The following VAV2 variants were observed in gnomAD, a reference collection of about 807,000 sequenced individuals.
VAV2 encodes guanine nucleotide exchange factor VAV2.
In VAV2, 67 loss-of-function variants were observed where a neutral mutation model predicts 132.5. The observed-to-expected ratio is 0.51, with a 90% CI of 0.42 to 0.62. The LOEUF is 0.62. Among genes scored for constraint, VAV2 ranks in the 20% least tolerant of loss-of-function variants. VAV2 has a pLI of 0.00. For missense variants in VAV2, 938 were observed against 1,153.6 expected (o/e 0.81, Z 2.71); for synonymous variants, 492 against 443.5 (o/e 1.11, Z -1.37).
At chr9:133,796,652 T>C (rs1834726903) in intron 10 of VAV2, 128 bp from the exon 11 acceptor site, 2 of 793,150 alleles carry the variant, frequency 2.5e-6, no homozygotes, top group South Asian at 1.8e-5. Flanking sequence ...GGCCCTTCTC[T>C]AGCCAGGCTC....
At chr9:133,915,174 C>T (rs1023175261) in intron 2 of VAV2, among the ~76,000 whole-genome samples, 1 of 152,162 alleles carries the variant, frequency 6.6e-6, no homozygotes, top group Non-Finnish European at 1.5e-5. Flanking sequence ...GACTCTAGTC[C>T]TCATTGGCTC....
At chr9:133,830,576 T>G (rs993010183) in intron 4 of VAV2, among the ~76,000 whole-genome samples, 3 of 152,218 alleles carry the variant, frequency 2.0e-5, no homozygotes, top group Non-Finnish European at 4.4e-5. Flanking sequence ...ATAAGTTTCC[T>G]GGGGCCTCCC....
At chr9:133,933,915 T>TGGGTGGATGGATGGAG in intron 2 of VAV2, among the ~76,000 whole-genome samples, 1 of 43,968 alleles carries the variant, frequency 2.3e-5, no homozygotes, top group African/African-American at 6.0e-5. Flanking sequence ...GATGGATGGA[T>TGGGTGGATGGATGGAG]GGATGATGGG....
intron 2 of VAV2, among the ~76,000 whole-genome samples, chr9:133,875,733 T>C (rs968530419): frequency 7.2e-5 from 11 of 152,270 alleles, no homozygotes; most frequent in South Asian, 4.1e-4. Flanking sequence ...CAAGAGGCTA[T>C]AGAATGAATT....
intron 2 of VAV2, among the ~76,000 whole-genome samples, chr9:133,877,766 C>T (rs1203547067): frequency 1.3e-5 from 2 of 152,222 alleles, no homozygotes; most frequent in African/African-American, 4.8e-5. Flanking sequence ...AGTGGCTTCA[C>T]TGGCCTCCCT....
rs1836336487 is a variant in VAV2 at position 133,833,353 on chromosome 9, C to T, written c.449+919G>A. 6.6e-6 allele frequency among the ~76,000 whole-genome samples: 1 copy of T among 152,208 alleles called. No individual in the cohort carries two copies. On this transcript the variant is annotated intron_variant, in intron 4 of 29. Coordinates refer to ENST00000371850, the MANE Select transcript of VAV2 (RefSeq NM_001134398.2). The surrounding 1 kb of genome is among the most constrained non-coding windows in gnomAD (Gnocchi z 5.6). ...ACGCAGCTCCCCCTCTTACTCCTCTCCCGGTTGTCATTCTCAGTCTGTGCT... is the reference window on the plus strand; with the variant it reads ...ACGCAGCTCCCCCTCTTACTCCTCTTCCGGTTGTCATTCTCAGTCTGTGCT...
At chr9:133,973,229 G>A (rs890264630) in intron 1 of VAV2, among the ~76,000 whole-genome samples, 12 of 152,294 alleles carry the variant, frequency 7.9e-5, no homozygotes, top group Admixed American at 2.0e-4. Context: ...CATCTGGCCC[G>A]CCTGGCCCAG....
intron 4 of VAV2, among the ~76,000 whole-genome samples, chr9:133,816,419 C>T (rs62576520): frequency 0.18 from 26,952 of 152,182 alleles, 2,594 homozygotes; most frequent in African/African-American, 0.24. Context: ...GTCTTTCAAT[C>T]ACAATATATT....
chr9:133,897,528 C>T (rs181803270), intron 2 of VAV2, among the ~76,000 whole-genome samples: 111 of 152,292 alleles, frequency 7.3e-4, no homozygotes, highest in Non-Finnish European at 1.4e-3. Flanking sequence ...TGAGCTCCTT[C>T]CTGTCTCCCC....
rs750247928 is a variant in VAV2 at position 133,834,300 on chromosome 9, C to T, written c.421G>A (p.Val141Ile). 12 of 1,612,474 alleles carry T rather than the reference C, an allele frequency of 7.4e-6. No homozygotes were observed. Among genetic ancestry groups the T allele is most frequent in the Middle Eastern group, 1.6e-4 (1 of 6,084 alleles). Residue 141 changes from valine to isoleucine, a missense_variant, in exon 4 of 30, where the codon GTC (valine) becomes ATC (isoleucine). Transcript: ENST00000371850. The surrounding 1 kb of genome is among the most constrained non-coding windows in gnomAD (Gnocchi z 5.9). ...SEETTENDDD[V>I]YRSLEELADE... is the part of the protein sequence containing the mutation. Reference sequence around the variant, plus strand: ...GCCAGCTCCTCCAGGCTGCGGTAGACGTCATCGTCATTCTCTGTGGTCTCC... The same window carrying T: ...GCCAGCTCCTCCAGGCTGCGGTAGATGTCATCGTCATTCTCTGTGGTCTCC...
chr9:133,929,928 AAGCAAAATGTC>A (rs1406337204), intron 2 of VAV2, among the ~76,000 whole-genome samples: 1 of 152,214 alleles, frequency 6.6e-6, no homozygotes, highest in Non-Finnish European at 1.5e-5. Flanking sequence ...CCCTTTTTTT[AAGCAAAATGTC>A]AGCAAAATGC....
intron 2 of VAV2, among the ~76,000 whole-genome samples, chr9:133,917,812 G>A (rs1564464598): frequency 6.6e-6 from 1 of 152,202 alleles, no homozygotes; most frequent in Non-Finnish European, 1.5e-5. Flanking sequence ...GAACCCTGTG[G>A]ACAGAAAAGG....
chr9:133,890,525 C>CCCA (rs1564439749), intron 2 of VAV2, among the ~76,000 whole-genome samples: 1 of 151,632 alleles, frequency 6.6e-6, no homozygotes, highest in Non-Finnish European at 1.5e-5. Context: ...GACCGCCCCC[C>CCCA]ACCACCCCCT....
At chr9:133,797,271 C>G (rs566676200) in intron 10 of VAV2, among the ~76,000 whole-genome samples, 1 of 151,868 alleles carries the variant, frequency 6.6e-6, no homozygotes, top group East Asian at 1.9e-4. Context: ...CCCGGGACTC[C>G]CTGGGGTCAG....
At chr9:133,939,373 A>AGAT (rs2132136202) in intron 1 of VAV2, 154 bp from the exon 2 acceptor site, 1 of 727,910 alleles carries the variant, frequency 1.4e-6, no homozygotes, top group South Asian at 1.7e-5. Flanking sequence ...GGGCTCAGAG[A>AGAT]GATGACGAAA....
At position 133,797,744 on chromosome 9, in the gene VAV2, A is replaced by T. The variant is rs1291650134; in HGVS notation, c.902T>A (p.Leu301Gln). Reference protein sequence around the residue: ...EHAQNTLNQLLASREDFRQKV... With the variant: ...EHAQNTLNQLQASREDFRQKV... Reference sequence around the variant, plus strand: ...CTGCCTGAAGTCCTCCCGGCTGGCCAGGAGCTGGTTCAGTGTGTTCTGGGC... The same window carrying T: ...CTGCCTGAAGTCCTCCCGGCTGGCCTGGAGCTGGTTCAGTGTGTTCTGGGC... The change falls in exon 10 of 30, where the codon CTG (leucine) becomes CAG (glutamine). Residue 301 changes from leucine (L) to glutamine (Q), a missense_variant. Physicochemically the swap from Leu to Gln is moderately radical, Grantham distance 113. Transcript: ENST00000371850. 6.2e-7 allele frequency: 1 copy of T among 1,613,916 alleles called. No homozygotes were observed. The highest frequency in any genetic ancestry group is 2.2e-5 in the East Asian group (1 of 44,870).
rs1836329574 is a variant in VAV2, at chr9:133,833,201, TTG to T, written c.449+1069_449+1070del. The stretch of plus-strand genomic sequence containing the variant: ...CATGCTGATATGGGGATGACTTGAA[TTG>T]TGTATATACACAGGGATCCTGCGGA... On this transcript the variant is annotated intron_variant, in intron 4 of 29. Transcript: ENST00000371850. This position sits in a 1 kb window ranked among gnomAD's most constrained non-coding sequence, Gnocchi z 5.6. 6.6e-6 allele frequency among the ~76,000 whole-genome samples: 1 copy of T among 152,168 alleles called. No homozygotes were observed. Among genetic ancestry groups the T allele is most frequent in the South Asian group, 2.1e-4 (1 of 4,824 alleles).
intron 2 of VAV2, among the ~76,000 whole-genome samples, chr9:133,875,445 C>G (rs536762634): frequency 2.0e-5 from 3 of 152,208 alleles, no homozygotes; most frequent in African/African-American, 4.8e-5. Context: ...AGAGGGGGCC[C>G]CACAGACAAA....
intron 2 of VAV2, among the ~76,000 whole-genome samples, chr9:133,878,187 G>A (rs1015149824): frequency 2.0e-5 from 3 of 152,216 alleles, no homozygotes; most frequent in Non-Finnish European, 2.9e-5. Flanking sequence ...GTGTACCACG[G>A]GGCAGGCACC....
Sources: allele counts gnomAD v4.1 joint callset (sites outside exome capture counted in the v4.1 genomes callset), GRCh38; gene constraint gnomAD v4.1.1; non-coding constraint Gnocchi (gnomAD v3.1); transcripts MANE v1.5; gene names NCBI Gene and HGNC (gene_info 2026-07-23, HGNC 2026-07-21).